VWC2: variants seen among roughly 807,000 people sequenced by gnomAD.
VWC2 encodes the protein brorin.
A neutral mutation model predicts 29.8 loss-of-function variants in VWC2; 14 were observed. The observed-to-expected ratio is 0.47, with a 90% CI of 0.31 to 0.74. VWC2 has a LOEUF of 0.74. VWC2 is among the 30% of genes least tolerant of loss of function. The probability of loss-of-function intolerance (pLI) is 0.05; values close to 1 mark genes in which losing one functional copy is unlikely to be tolerated. For synonymous variants in VWC2, 213 were observed against 199.0 expected (o/e 1.07, Z -0.59); for missense variants, 457 against 459.8 (o/e 0.99, Z 0.05).
chr7:49,858,533 C>T lies in VWC2; in HGVS notation c.827-53501C>T, dbSNP rs181968978. Among the ~76,000 whole-genome samples the T allele has an allele frequency of 7.6e-5, 10 of 131,890 alleles. No homozygotes were observed. The East Asian group carries it at 2.0e-3, about 26-fold the overall frequency. 86.5% of individuals were successfully genotyped at this position (131,890 alleles called of 152,430 possible). A position where few individuals can be genotyped will look rare whatever the true frequency, so the allele number is the denominator to read the frequency against. ...CAACACACGGACACAGGAAGGGGAACATCACACACTGGGGCCTGTTGTGGG... is the reference window on the plus strand; with the variant it reads ...CAACACACGGACACAGGAAGGGGAATATCACACACTGGGGCCTGTTGTGGG... On this transcript the variant is annotated intron_variant, in intron 3 of 3. Transcript: ENST00000340652.
intron 3 of VWC2, among the ~76,000 whole-genome samples, chr7:49,827,951 A>G (rs1789441165): frequency 2.0e-5 from 3 of 152,206 alleles, no homozygotes; most frequent in Non-Finnish European, 1.5e-5. Flanking sequence ...TGATCATTCA[A>G]TTAAGTATTG....
In VWC2 at chr7:49,775,854, A is replaced by G; in HGVS notation, c.419A>G (p.Glu140Gly). The G allele has an allele frequency of 6.4e-7, 1 of 1,552,990 alleles. No individual in the cohort carries two copies. The highest frequency in any genetic ancestry group is 8.7e-7 in the Non-Finnish European group (1 of 1,149,204). ...AIGPELAPTP[E>G]PPEEYVYPDY... is the part of the protein sequence containing the mutation. ...GGCCCGGAACTCGCGCCCACGCCCG[A>G]GCCACCCGAGGAGTACGTGTACCCG... The change falls in exon 2 of 4, where the codon GAG becomes GGG. Residue 140 changes from glutamate (E) to glycine (G), a missense_variant. Glu to Gly is a moderately conservative substitution (Grantham distance 98, BLOSUM62 -2). This residue lies in a region of VWC2 where 272 missense variants were observed against 202.7 expected (regional missense o/e 1.34). Transcript: ENST00000340652.
chr7:49,827,825 T>C (rs1789439574), intron 3 of VWC2, among the ~76,000 whole-genome samples: 1 of 152,208 alleles, frequency 6.6e-6, no homozygotes, highest in Non-Finnish European at 1.5e-5. Context: ...AGTATTTTAC[T>C]GTAAAATGCA....
rs1311595827 is a variant in VWC2 at position 49,775,461 on chromosome 7, T to C, written c.26T>C (p.Val9Ala). 1 of 1,374,194 alleles carries C rather than the reference T, an allele frequency of 7.3e-7. No individual in the cohort carries two copies. The highest frequency in any genetic ancestry group is 4.0e-5 in the East Asian group (1 of 24,986). 85.1% of individuals were successfully genotyped at this position (1,374,194 alleles called of 1,614,324 possible). A position where few individuals can be genotyped will look rare whatever the true frequency, so the allele number is the denominator to read the frequency against. MPSSTAMA[V>A]GALSSSLLVT... The stretch of plus-strand genomic sequence containing the variant: ...ATGCCCAGCTCCACTGCGATGGCAG[T>C]TGGCGCGCTCTCCAGTTCCCTCCTG... Residue 9 changes from valine to alanine, a missense_variant, in exon 2 of 4, where the codon GTT (valine) becomes GCT (alanine). Transcript: ENST00000340652.
At chr7:49,845,051 G>A (rs1249393093) in intron 3 of VWC2, among the ~76,000 whole-genome samples, 1 of 152,000 alleles carries the variant, frequency 6.6e-6, no homozygotes, top group African/African-American at 2.4e-5. Context: ...ATTTCCGAAT[G>A]TTCTCACTTA....
At chr7:49,788,837 AGT>A (rs572708269) in intron 2 of VWC2, among the ~76,000 whole-genome samples, 28 of 101,724 alleles carry the variant, frequency 2.8e-4, no homozygotes, top group African/African-American at 6.7e-4. Flanking sequence ...TGTGGGTATG[AGT>A]GTGTGTGAGC....
At chr7:49,877,307 C>A (rs1163308483) in intron 3 of VWC2, among the ~76,000 whole-genome samples, 1 of 149,862 alleles carries the variant, frequency 6.7e-6, no homozygotes, top group Admixed American at 6.7e-5. Context: ...ACTAAAAATA[C>A]AAAAATTAGC....
intron 3 of VWC2, among the ~76,000 whole-genome samples, chr7:49,903,060 G>A (rs1463084132): frequency 2.6e-5 from 4 of 152,156 alleles, no homozygotes; most frequent in Non-Finnish European, 5.9e-5. Flanking sequence ...TAAAACTTGA[G>A]ATATCACTAT....
intron 3 of VWC2, among the ~76,000 whole-genome samples, chr7:49,885,723 A>T (rs571981194): frequency 6.6e-6 from 1 of 152,354 alleles, no homozygotes; most frequent in Non-Finnish European, 1.5e-5. Flanking sequence ...ACGAGGGTGT[A>T]AGAAATTGGG....
intron 2 of VWC2, among the ~76,000 whole-genome samples, chr7:49,785,165 G>A (rs1042917656): frequency 1.3e-5 from 2 of 151,988 alleles, no homozygotes; most frequent in African/African-American, 4.8e-5. Flanking sequence ...TTCAATGGGA[G>A]GGATTAACAG....
chr7:49,860,422 G>A (rs1171585319), intron 3 of VWC2, among the ~76,000 whole-genome samples: 1 of 152,166 alleles, frequency 6.6e-6, no homozygotes, highest in East Asian at 1.9e-4. Flanking sequence ...TTGTAGCATG[G>A]ATTAGTGCTT....
intron 3 of VWC2, among the ~76,000 whole-genome samples, chr7:49,873,559 G>A (rs1791269183): frequency 6.6e-6 from 1 of 152,226 alleles, no homozygotes; most frequent in Non-Finnish European, 1.5e-5. Context: ...AGAAATGATG[G>A]TGCACACAGC....
chr7:49,884,758 C>G (rs150243670), intron 3 of VWC2, among the ~76,000 whole-genome samples: 188 of 152,030 alleles, frequency 1.2e-3, no homozygotes, highest in African/African-American at 4.2e-3. Flanking sequence ...AATATTTTCA[C>G]TCATAAACGG....
chr7:49,900,991 C>A (rs1482862422), intron 3 of VWC2: 2 of 151,674 alleles, frequency 1.3e-5, no homozygotes, highest in Non-Finnish European at 3.0e-5. Context: ...ACGATGATAT[C>A]AGTAGATACA....
rs1204218609 is a variant in VWC2 at position 49,921,067 on chromosome 7, C to T, written c.*8882C>T. 2 of 152,150 alleles carry T rather than the reference C, an allele frequency of 1.3e-5. No homozygotes were observed. The highest frequency in any genetic ancestry group is 4.8e-5 in the African/African-American group (2 of 41,428). The allele number at this position is 152,150 out of a possible 1,614,324, so 9.4% of individuals were successfully genotyped here. On this transcript the variant is annotated 3_prime_UTR_variant, in exon 4 of 4. Transcript: ENST00000340652. ...CATCAATTTTACCTAACAACTGTAACCACTAATAAATCATCAGTCACCACC... is the reference window on the plus strand; with the variant it reads ...CATCAATTTTACCTAACAACTGTAATCACTAATAAATCATCAGTCACCACC...
chr7:49,798,567 C>A (rs1204205560), intron 2 of VWC2, among the ~76,000 whole-genome samples: 1 of 152,148 alleles, frequency 6.6e-6, no homozygotes, highest in Admixed American at 6.5e-5. Context: ...TGTACAGTGG[C>A]CATCCTGGGG....
At chr7:49,869,083 G>A (rs1479004567) in intron 3 of VWC2, among the ~76,000 whole-genome samples, 6 of 152,070 alleles carry the variant, frequency 3.9e-5, no homozygotes, top group African/African-American at 1.4e-4. Flanking sequence ...TACAAGTGAG[G>A]AAACATTTAC....
Position 49,773,946 on chromosome 7 carries a change from G to C in VWC2, c.-271G>C, listed in dbSNP as rs921193797. ...CGACTCCCCAGAGACGCCCTAGCCC[G>C]GTGTGCGCGCCAGGCGGAGCGCGCA... On this transcript the variant is annotated 5_prime_UTR_variant, in exon 1 of 4. Coordinates refer to ENST00000340652, the MANE Select transcript of VWC2 (RefSeq NM_198570.5). 3 of 152,068 alleles carry C rather than the reference G, an allele frequency of 2.0e-5. No individual in the cohort carries two copies. Among genetic ancestry groups the C allele is most frequent in the African/African-American group, 4.8e-5 (2 of 41,436 alleles). 9.4% of individuals were successfully genotyped at this position (152,068 alleles called of 1,614,324 possible).
chr7:49,786,107 A>G (rs1197082802), intron 2 of VWC2, among the ~76,000 whole-genome samples: 1 of 152,188 alleles, frequency 6.6e-6, no homozygotes, highest in East Asian at 1.9e-4. Flanking sequence ...ATAGTATGCA[A>G]CAGTTAGTTT....
Sources: gnomAD v4.1 joint callset for allele counts (sites outside exome capture counted in the v4.1 genomes callset) on GRCh38, gnomAD v4.1.1 for gene constraint, gnomAD v4.1.1 regional missense constraint, MANE v1.5 for transcripts, NCBI Gene and HGNC (gene_info 2026-07-23, HGNC 2026-07-21) for gene names.